Variants in C1QTNF3 observed in about 807,000 individuals in gnomAD.
C1QTNF3 encodes the protein C1q and TNF related 3.
In C1QTNF3, 26 loss-of-function variants were observed where a neutral mutation model predicts 32.6. That is an observed-to-expected ratio of 0.80 (90% CI 0.58 to 1.11). The LOEUF (loss-of-function observed/expected upper bound fraction) is 1.11, where lower values mean the gene tolerates loss of function less well. C1QTNF3 is among the 50% of genes least tolerant of loss of function. The pLI, the probability that C1QTNF3 is intolerant of heterozygous loss-of-function variation, is 0.00. For missense variants in C1QTNF3, 362 were observed against 398.2 expected, an observed-to-expected ratio of 0.91 and a Z score of 0.77; for synonymous variants, 155 against 146.0, an observed-to-expected ratio of 1.06 and a Z score of -0.44.
rs1561056172 is a variant in C1QTNF3, at chr5:34,028,750, T to A, written c.700+4A>T. On this transcript the variant is annotated splice_donor_region_variant and intron_variant, in intron 4 of 5. Coordinates refer to ENST00000382065, the MANE Select transcript of C1QTNF3 (RefSeq NM_181435.6). ...TCAATCTTCATCCTATGTTTCCATC[T>A]CACCTGATACTGGGGCCCCAAATCT... The A allele has an allele frequency of 6.2e-7, 1 of 1,603,554 alleles. No homozygotes were observed. Among genetic ancestry groups the A allele is most frequent in the African/African-American group, 1.3e-5 (1 of 74,564 alleles).
chr5:34,132,004 C>G, the C1QTNF3 span, among the ~76,000 whole-genome samples: 2 of 152,052 alleles, frequency 1.3e-5, no homozygotes. Context: ...GATAAATTTA[C>G]ATAGTTAAAA....
chr5:34,047,865 A>G (rs1286111723), upstream of C1QTNF3, among the ~76,000 whole-genome samples: 1 of 152,196 alleles, frequency 6.6e-6, no homozygotes, highest in Non-Finnish European at 1.5e-5. Flanking sequence ...GAAAGGGGAC[A>G]TTGCCTATAG....
At chr5:34,236,794 T>C in the C1QTNF3 span, among the ~76,000 whole-genome samples, 1 of 151,972 alleles carries the variant, frequency 6.6e-6, no homozygotes, top group African/African-American at 2.4e-5. Flanking sequence ...CAGGATGGTC[T>C]TGAACTTCAG....
chr5:34,221,427 A>AT, the C1QTNF3 span, among the ~76,000 whole-genome samples: 2 of 152,184 alleles, frequency 1.3e-5, no homozygotes, highest in Admixed American at 1.3e-4. Flanking sequence ...AGAACAAACT[A>AT]TTTGACATTG....
the C1QTNF3 span, among the ~76,000 whole-genome samples, chr5:34,208,983 C>A: frequency 6.6e-6 from 1 of 152,268 alleles, no homozygotes; most frequent in African/African-American, 2.4e-5. Context: ...TTAGTTTTTA[C>A]TGCTGTAGGT....
At chr5:34,136,282 T>G in the C1QTNF3 span, among the ~76,000 whole-genome samples, 3 of 152,188 alleles carry the variant, frequency 2.0e-5, no homozygotes, top group Non-Finnish European at 4.4e-5. Context: ...GAATCTACAA[T>G]GAACACAAAC....
chr5:34,046,969 T>A (rs919702831), upstream of C1QTNF3, among the ~76,000 whole-genome samples: 1 of 152,226 alleles, frequency 6.6e-6, no homozygotes, highest in Non-Finnish European at 1.5e-5. Flanking sequence ...TAAACATTGG[T>A]TTATTATTAA....
chr5:34,176,886 T>TGAATGAATGAAA, the C1QTNF3 span, among the ~76,000 whole-genome samples: 1 of 147,674 alleles, frequency 6.8e-6, no homozygotes, highest in Non-Finnish European at 1.5e-5. Context: ...AATGAATGAA[T>TGAATGAATGAAA]GAAAAATGAA....
the C1QTNF3 span, among the ~76,000 whole-genome samples, chr5:34,048,770 A>G: frequency 6.6e-6 from 1 of 151,966 alleles, no homozygotes; most frequent in East Asian, 1.9e-4. Flanking sequence ...GACAAAGGAG[A>G]AAAGTTATTT....
At chr5:34,182,988 T>TTC in the C1QTNF3 span, 1 of 384,136 alleles carries the variant, frequency 2.6e-6, no homozygotes, top group African/African-American at 2.1e-5. Flanking sequence ...TTTTTTTTTT[T>TTC]TTTTTTTTGA....
chr5:34,056,670 G>A, the C1QTNF3 span, among the ~76,000 whole-genome samples: 1 of 151,464 alleles, frequency 6.6e-6, no homozygotes, highest in Admixed American at 6.6e-5. Flanking sequence ...GTGCTATCAT[G>A]CCTGGCTAAT....
the C1QTNF3 span, among the ~76,000 whole-genome samples, chr5:34,207,815 T>A: frequency 6.7e-6 from 1 of 150,094 alleles, no homozygotes; most frequent in Non-Finnish European, 1.5e-5. Context: ...TGAGACAGAG[T>A]CTCACTCAGT....
the C1QTNF3 span, among the ~76,000 whole-genome samples, chr5:34,241,978 A>AAGGAAGGAAGGG: frequency 2.1e-4 from 32 of 149,762 alleles, no homozygotes; most frequent in African/African-American, 7.3e-4. Context: ...GGAAGGAAGG[A>AAGGAAGGAAGGG]AGGAAGGAAG....
chr5:34,082,186 C>G, the C1QTNF3 span, among the ~76,000 whole-genome samples: 1 of 151,458 alleles, frequency 6.6e-6, no homozygotes, highest in African/African-American at 2.4e-5. Context: ...TTTGCTCTGG[C>G]CCACTAAATC....
chr5:34,081,797 T>C, the C1QTNF3 span, among the ~76,000 whole-genome samples: 2 of 151,638 alleles, frequency 1.3e-5, no homozygotes, highest in African/African-American at 4.9e-5. Context: ...CTAGCTTTAA[T>C]GAAGCAATAT....
chr5:34,237,163 A>G, the C1QTNF3 span, among the ~76,000 whole-genome samples: 2 of 152,194 alleles, frequency 1.3e-5, no homozygotes, highest in Non-Finnish European at 2.9e-5. Flanking sequence ...AGGTAAGCGG[A>G]GTAATATTTT....
the C1QTNF3 span, chr5:34,106,131 AAT>A: frequency 1.3e-5 from 2 of 151,856 alleles, no homozygotes; most frequent in African/African-American, 4.8e-5. Flanking sequence ...ATGCAATACA[AAT>A]AGTTTATAGT....
At chr5:34,027,907 G>A (rs1754509437) in intron 4 of C1QTNF3, among the ~76,000 whole-genome samples, 1 of 151,796 alleles carries the variant, frequency 6.6e-6, no homozygotes, top group South Asian at 2.1e-4. Context: ...GACACAATCA[G>A]AATGTAGAGT....
At chr5:34,224,876 T>C in the C1QTNF3 span, among the ~76,000 whole-genome samples, 2 of 151,990 alleles carry the variant, frequency 1.3e-5, no homozygotes, top group Non-Finnish European at 2.9e-5. Context: ...GCCTACAAAA[T>C]GGGAGAAAAT....
Sources: allele counts gnomAD v4.1 joint callset (sites outside exome capture counted in the v4.1 genomes callset), GRCh38; gene constraint gnomAD v4.1.1; transcripts MANE v1.5; gene names NCBI Gene and HGNC (gene_info 2026-07-23, HGNC 2026-07-21).